IQCM: variants seen among roughly 807,000 people sequenced by gnomAD.
IQCM encodes the protein IQ domain-containing protein M.
Under a neutral mutation model 57.6 loss-of-function variants are expected in IQCM, and 45 were observed. The ratio of observed to expected loss-of-function variants is 0.78; its 90% CI spans 0.62 to 1.00. The LOEUF is 1.00. Among genes scored for constraint, IQCM ranks in the 50% least tolerant of loss-of-function variants. IQCM has a pLI of 0.00. For synonymous variants in IQCM, 148 were observed against 158.9 expected (o/e 0.93, Z 0.51); for missense variants, 468 against 511.6 (o/e 0.91, Z 0.82).
intron 2 of IQCM, among the ~76,000 whole-genome samples, chr4:149,783,453 C>T (rs1278925053): frequency 1.3e-5 from 2 of 152,156 alleles, no homozygotes; most frequent in East Asian, 3.8e-4. Flanking sequence ...CCTAGCTGGG[C>T]CACCTGCTTC....
At chr4:149,591,835 C>T (rs1406412341) in intron 8 of IQCM, among the ~76,000 whole-genome samples, 1 of 152,128 alleles carries the variant, frequency 6.6e-6, no homozygotes, top group Non-Finnish European at 1.5e-5. Flanking sequence ...GCCACATTTC[C>T]TTAATCCAGT....
At chr4:149,658,538 A>G (rs1561116827) in intron 7 of IQCM, among the ~76,000 whole-genome samples, 2 of 152,052 alleles carry the variant, frequency 1.3e-5, no homozygotes, top group African/African-American at 4.8e-5. Flanking sequence ...TTATGTGAAG[A>G]ATATTGATAT....
rs1749212813 is a variant in IQCM at position 149,553,282 on chromosome 4, C to G, written c.954G>C (p.Leu318Phe). The G allele has an allele frequency of 8.1e-7, 1 of 1,231,716 alleles. No individual in the cohort carries two copies. 76.3% of individuals were successfully genotyped at this position (1,231,716 alleles called of 1,614,324 possible). A position where few individuals can be genotyped will look rare whatever the true frequency, so the allele number is the denominator to read the frequency against. ...KRLQRVMTKA[L>F]DHGPDMKAVI... ...CTGCTTTCATATCTGGTCCATGATC[C>G]AAAGCCTACAAAGACAGAAAAGCTC... Residue 318 changes from leucine to phenylalanine, a missense_variant, in exon 11 of 14, where the codon TTG (leucine) becomes TTC (phenylalanine). Leu to Phe is a conservative substitution (Grantham distance 22). Coordinates refer to ENST00000636793, the MANE Select transcript of IQCM (RefSeq NM_001363507.2).
At chr4:149,381,720 A>AGTATGTAT (rs60955059) in intron 13 of IQCM, among the ~76,000 whole-genome samples, 2,695 of 146,582 alleles carry the variant, frequency 0.018, 62 homozygotes, top group Middle Eastern at 0.021. Flanking sequence ...TTTCCCCCAT[A>AGTATGTAT]GTATGTATGT....
At chr4:149,650,136 A>G (rs1189378165) in intron 7 of IQCM, among the ~76,000 whole-genome samples, 1 of 152,096 alleles carries the variant, frequency 6.6e-6, no homozygotes, top group Non-Finnish European at 1.5e-5. Context: ...CTCATTTCAA[A>G]TAGGGTCATT....
intron 8 of IQCM, among the ~76,000 whole-genome samples, chr4:149,603,715 A>AAAC (rs1382661319): frequency 6.6e-5 from 10 of 152,206 alleles, no homozygotes; most frequent in African/African-American, 2.4e-4. Flanking sequence ...GAGAAGAGGA[A>AAAC]TAGTTAAAAA....
intron 7 of IQCM, among the ~76,000 whole-genome samples, chr4:149,640,252 G>A (rs1306487261): frequency 6.6e-6 from 1 of 152,100 alleles, no homozygotes; most frequent in Non-Finnish European, 1.5e-5. Context: ...TGGAAAATTG[G>A]ATATTAATCC....
chr4:149,444,544 T>C (rs1249263783), intron 12 of IQCM, among the ~76,000 whole-genome samples: 10 of 151,906 alleles, frequency 6.6e-5, no homozygotes. Context: ...TTTATAAACG[T>C]GTATGCAGTC....
rs571339985 is a variant in IQCM, at chr4:149,773,274, C to T, written c.-48-30535G>A. Among the ~76,000 whole-genome samples, 24 of 151,994 alleles carry T rather than the reference C, an allele frequency of 1.6e-4. No individual in the cohort carries two copies. The East Asian group carries it at 1.7e-3, about 11-fold the overall frequency. ...GGCTGAGGCAGGAAAATGGCGTGAA[C>T]CCGGGAGGCAGAGCTTGCAGTGAGC... is the stretch of plus-strand genomic sequence containing the variant. On this transcript the variant is annotated intron_variant, in intron 2 of 13. Transcript: ENST00000636793.
At chr4:149,546,787 G>A (rs577637987) in intron 12 of IQCM, among the ~76,000 whole-genome samples, 5 of 152,164 alleles carry the variant, frequency 3.3e-5, no homozygotes, top group Non-Finnish European at 5.9e-5. Context: ...TCACTCTGAT[G>A]GTAGTTTCTT....
chr4:149,354,739 C>T (rs904159918), intron 13 of IQCM, among the ~76,000 whole-genome samples: 1 of 151,944 alleles, frequency 6.6e-6, no homozygotes, highest in African/African-American at 2.4e-5. Flanking sequence ...TCTTAGTTTC[C>T]CTACTTTTGA....
chr4:149,718,581 A>G (rs1480839581), intron 5 of IQCM, among the ~76,000 whole-genome samples: 1 of 152,244 alleles, frequency 6.6e-6, no homozygotes, highest in Non-Finnish European at 1.5e-5. Context: ...TTAGTTTTAT[A>G]TGCCCATTAA....
chr4:149,663,259 T>C (rs1338305323), intron 7 of IQCM, among the ~76,000 whole-genome samples: 2 of 151,666 alleles, frequency 1.3e-5, no homozygotes, highest in East Asian at 1.9e-4. Flanking sequence ...CTGCCACTAA[T>C]GGTATCTGTT....
intron 2 of IQCM, among the ~76,000 whole-genome samples, chr4:149,796,055 A>C (rs181223601): frequency 6.6e-6 from 1 of 152,224 alleles, no homozygotes; most frequent in African/African-American, 2.4e-5. Flanking sequence ...CAGAGGGAAA[A>C]GTAAGGGAGA....
At chr4:149,570,132 T>C (rs1751020082) in intron 9 of IQCM, among the ~76,000 whole-genome samples, 1 of 152,028 alleles carries the variant, frequency 6.6e-6, no homozygotes, top group Non-Finnish European at 1.5e-5. Context: ...TTCATTTATC[T>C]TATCTTTAAA....
intron 12 of IQCM, among the ~76,000 whole-genome samples, chr4:149,539,121 CATT>C (rs1448214090): frequency 6.6e-6 from 1 of 151,972 alleles, no homozygotes; most frequent in Non-Finnish European, 1.5e-5. Flanking sequence ...TTCATAGTAA[CATT>C]ATTCATAACA....
intron 7 of IQCM, among the ~76,000 whole-genome samples, chr4:149,654,690 G>C (rs1201887149): frequency 6.6e-6 from 1 of 152,100 alleles, no homozygotes; most frequent in Non-Finnish European, 1.5e-5. Context: ...CATTATGAGA[G>C]GTAGTACAAA....
chr4:149,760,009 C>A (rs958736028), intron 2 of IQCM, among the ~76,000 whole-genome samples: 3 of 102,504 alleles, frequency 2.9e-5, no homozygotes, highest in African/African-American at 1.2e-4. Context: ...AGGTTCTAGA[C>A]AGAAGGAAGG....
chr4:149,700,279 A>G (rs1763668178), intron 5 of IQCM, among the ~76,000 whole-genome samples: 1 of 152,078 alleles, frequency 6.6e-6, no homozygotes, highest in Admixed American at 6.6e-5. Flanking sequence ...GCTGACTTCC[A>G]GAAGTTTAAA....
Sources: allele counts gnomAD v4.1 joint callset (sites outside exome capture counted in the v4.1 genomes callset), GRCh38; gene constraint gnomAD v4.1.1; transcripts MANE v1.5; gene names NCBI Gene and HGNC (gene_info 2026-07-23, HGNC 2026-07-21).